The following PTPRQ variants were observed in gnomAD, a reference collection of about 807,000 sequenced individuals.
PTPRQ encodes phosphatidylinositol phosphatase PTPRQ.
A neutral mutation model predicts 246.0 loss-of-function variants in PTPRQ; 199 were observed. The observed-to-expected ratio is 0.81, with a 90% CI of 0.72 to 0.91. The LOEUF (loss-of-function observed/expected upper bound fraction) is 0.91, where lower values mean the gene tolerates loss of function less well. Among genes scored for constraint, PTPRQ ranks in the 40% least tolerant of loss-of-function variants. The probability of loss-of-function intolerance (pLI) is 0.00; values close to 1 mark genes in which losing one functional copy is unlikely to be tolerated. For synonymous variants in PTPRQ, 869 were observed against 853.2 expected, an observed-to-expected ratio of 1.02 and a Z score of -0.32; for missense variants, 2,624 against 2,528.4, an observed-to-expected ratio of 1.04 and a Z score of -0.81.
intron 39 of PTPRQ, among the ~76,000 whole-genome samples, chr12:80,666,202 T>C (rs756354624): frequency 6.6e-5 from 10 of 151,916 alleles, no homozygotes; most frequent in Non-Finnish European, 8.8e-5. Context: ...AAAGAAAATA[T>C]GCTGTATATA....
At position 80,541,711 on chromosome 12, in the gene PTPRQ, T is replaced by G; in HGVS notation, c.3311T>G (p.Val1104Gly). 1 of 1,551,390 alleles carries G rather than the reference T, an allele frequency of 6.4e-7. No homozygotes were observed. Among genetic ancestry groups the G allele is most frequent in the Non-Finnish European group, 8.7e-7 (1 of 1,146,748 alleles). The part of the protein sequence containing the change: ...QTPRHVRPPL[V>G]TYERSIYFDN... ...CCTCGCCATGTGAGACCACCTCTTG[T>G]TACATATGAGAGAAGCATATATTTT... is the stretch of plus-strand genomic sequence containing the variant. The change falls in exon 21 of 45, where the codon GTT becomes GGT. Residue 1104 changes from valine to glycine, a missense_variant. Coordinates refer to ENST00000644991, the MANE Select transcript of PTPRQ (RefSeq NM_001145026.2).
At chr12:80,487,477 A>G (rs1024330487) in intron 9 of PTPRQ, among the ~76,000 whole-genome samples, 10 of 152,112 alleles carry the variant, frequency 6.6e-5, no homozygotes, top group African/African-American at 2.4e-4. Flanking sequence ...CATAACACAA[A>G]TCTCTGACCT....
At chr12:80,581,181 C>T (rs1211371347) in intron 25 of PTPRQ, among the ~76,000 whole-genome samples, 1 of 152,054 alleles carries the variant, frequency 6.6e-6, no homozygotes, top group Non-Finnish European at 1.5e-5. Flanking sequence ...CCTCTCATTT[C>T]CAGTGGTTTA....
At chr12:80,592,456 G>A (rs1195299347) in intron 26 of PTPRQ, among the ~76,000 whole-genome samples, 1 of 152,088 alleles carries the variant, frequency 6.6e-6, no homozygotes, top group African/African-American at 2.4e-5. Flanking sequence ...GTCAGGAAGA[G>A]ATAATTTGAG....
intron 39 of PTPRQ, among the ~76,000 whole-genome samples, chr12:80,664,872 A>C (rs1205193902): frequency 6.6e-6 from 1 of 152,012 alleles, no homozygotes; most frequent in African/African-American, 2.4e-5. Flanking sequence ...ACCTGCAAAC[A>C]AAATAATTTA....
Position 80,658,409 on chromosome 12 carries a change from T to C in PTPRQ, c.6192+348T>C, listed in dbSNP as rs117714704. On this transcript the variant is annotated intron_variant, in intron 39 of 44. Transcript: ENST00000644991. ...TTAAAAATTATCAAATGGACAGTTA[T>C]GTCCATATAACATGAAAATTTATTA... 8.2e-3 allele frequency among the ~76,000 whole-genome samples: 1,245 copies of C among 152,204 alleles called. 16 individuals carry two copies. The highest frequency in any genetic ancestry group is 0.052 in the South Asian group (250 of 4,828).
At chr12:80,555,569 T>C (rs74481123) in intron 25 of PTPRQ, among the ~76,000 whole-genome samples, 17,121 of 152,166 alleles carry the variant, frequency 0.11, 1,441 homozygotes, top group African/African-American at 0.22. Flanking sequence ...ATAAAGGATG[T>C]AGGAAAGTTG....
At chr12:80,604,613 A>G (rs1476048426) in intron 26 of PTPRQ, among the ~76,000 whole-genome samples, 2 of 151,554 alleles carry the variant, frequency 1.3e-5, no homozygotes, top group Non-Finnish European at 3.0e-5. Flanking sequence ...TTTGTAAAAC[A>G]ATATATGTAT....
intron 26 of PTPRQ, among the ~76,000 whole-genome samples, chr12:80,599,328 G>T (rs1178677799): frequency 6.6e-6 from 1 of 151,884 alleles, no homozygotes; most frequent in African/African-American, 2.4e-5. Context: ...TGAGTAAATT[G>T]CTGTGATTTA....
chr12:80,625,315 A>G (rs1433363097), intron 33 of PTPRQ, among the ~76,000 whole-genome samples: 2 of 146,882 alleles, frequency 1.4e-5, no homozygotes, highest in Admixed American at 1.4e-4. Context: ...TGCTGAAGAC[A>G]TATGTGTGCA....
chr12:80,549,582 A>C lies in PTPRQ; in HGVS notation c.4133A>C (p.Glu1378Ala). Reference sequence around the variant, plus strand: ...ATAACGCAGTATATGGTAACAGTTGAAAGGAATTCTACAAAAGTTTCTCCC... The same window carrying C: ...ATAACGCAGTATATGGTAACAGTTGCAAGGAATTCTACAAAAGTTTCTCCC... The part of the protein sequence containing the change: ...GIITQYMVTV[E>A]RNSTKVSPQD... Residue 1378 changes from glutamate to alanine, a missense_variant, in exon 25 of 45, where the codon GAA (glutamate) becomes GCA (alanine). Glu to Ala is a moderately radical substitution (Grantham distance 107). Transcript: ENST00000644991. 1 of 1,551,260 alleles carries C rather than the reference A, an allele frequency of 6.4e-7. No homozygotes were observed. The highest frequency in any genetic ancestry group is 8.7e-7 in the Non-Finnish European group (1 of 1,146,648).
chr12:80,614,824 G>A (rs904139794), intron 29 of PTPRQ, among the ~76,000 whole-genome samples: 54 of 151,048 alleles, frequency 3.6e-4, no homozygotes, highest in Admixed American at 3.3e-4. Flanking sequence ...TAGGATATTT[G>A]TGAGGATTAA....
chr12:80,554,441 T>A (rs1896584460), intron 25 of PTPRQ, among the ~76,000 whole-genome samples: 1 of 152,208 alleles, frequency 6.6e-6, no homozygotes, highest in African/African-American at 2.4e-5. Flanking sequence ...AAACTTGGTC[T>A]TTTGTGGAAG....
rs373778372 is a variant in PTPRQ at position 80,444,471 on chromosome 12, G to A, written c.54+72G>A. 9 of 908,632 alleles carry A rather than the reference G, an allele frequency of 9.9e-6. No individual in the cohort carries two copies. In the Admixed American group the frequency reaches 1.8e-4, roughly 18 times the overall value. 56.3% of individuals were successfully genotyped at this position (908,632 alleles called of 1,614,324 possible). A position where few individuals can be genotyped will look rare whatever the true frequency, so the allele number is the denominator to read the frequency against. On this transcript the variant is annotated intron_variant, in intron 1 of 44. Coordinates refer to ENST00000644991, the MANE Select transcript of PTPRQ (RefSeq NM_001145026.2). ...TAGATTTCTCAAGACTTGAATAGTT[G>A]TTCCTTGTGACAGTGAACTAGGATA... is the stretch of plus-strand genomic sequence containing the variant.
At chr12:80,619,927 G>A (rs1360390598) in intron 31 of PTPRQ, among the ~76,000 whole-genome samples, 1 of 151,484 alleles carries the variant, frequency 6.6e-6, no homozygotes. Flanking sequence ...ATTGAGGGAT[G>A]CTCTTTCTCT....
intron 25 of PTPRQ, among the ~76,000 whole-genome samples, chr12:80,578,334 A>T (rs1897331055): frequency 6.7e-6 from 1 of 149,872 alleles, no homozygotes; most frequent in South Asian, 2.1e-4. Flanking sequence ...GGTTTTTAAA[A>T]TAAATTTTTT....
chr12:80,569,952 T>C (rs192577911), intron 25 of PTPRQ, among the ~76,000 whole-genome samples: 292 of 152,350 alleles, frequency 1.9e-3, no homozygotes, highest in Non-Finnish European at 3.1e-3. Context: ...ATGGTGTATA[T>C]GTGCCACATT....
chr12:80,604,425 A>G (rs1218124123), intron 26 of PTPRQ, among the ~76,000 whole-genome samples: 1 of 151,620 alleles, frequency 6.6e-6, no homozygotes, highest in Non-Finnish European at 1.5e-5. Context: ...TGCGTTACTG[A>G]AAAAATAACA....
chr12:80,673,620 T>C (rs1419539307), intron 43 of PTPRQ, among the ~76,000 whole-genome samples: 1 of 152,118 alleles, frequency 6.6e-6, no homozygotes, highest in Non-Finnish European at 1.5e-5. Context: ...GGAAATGAAC[T>C]CAAATCAATA....
Sources: gnomAD v4.1 joint callset for allele counts (sites outside exome capture counted in the v4.1 genomes callset) on GRCh38, gnomAD v4.1.1 for gene constraint, MANE v1.5 for transcripts, NCBI Gene and HGNC (gene_info 2026-07-23, HGNC 2026-07-21) for gene names.